Variants in ADGRB3 observed in about 807,000 individuals in gnomAD.
ADGRB3 encodes adhesion G protein-coupled receptor B3.
Under a neutral mutation model 193.4 loss-of-function variants are expected in ADGRB3, and 37 were observed. That is an observed-to-expected ratio of 0.19 (90% CI 0.15 to 0.25). ADGRB3 has a LOEUF of 0.25. ADGRB3 is among the 10% of genes least tolerant of loss of function. ADGRB3 has a pLI of 1.00. For synonymous variants in ADGRB3, 690 were observed against 644.2 expected, an observed-to-expected ratio of 1.07 and a Z score of -1.08; for missense variants, 1,637 against 1,852.9, an observed-to-expected ratio of 0.88 and a Z score of 2.14.
At chr6:68,676,166 G>C (rs1769080498) in intron 3 of ADGRB3, among the ~76,000 whole-genome samples, 1 of 151,986 alleles carries the variant, frequency 6.6e-6, no homozygotes, top group Non-Finnish European at 1.5e-5. Flanking sequence ...GCTGAGACGG[G>C]CGGATCACGA....
chr6:68,808,092 C>T (rs1320097795), intron 3 of ADGRB3, among the ~76,000 whole-genome samples: 3 of 152,022 alleles, frequency 2.0e-5, no homozygotes, highest in Middle Eastern at 3.2e-3. Context: ...TCCTCTTACT[C>T]CTGAAAAAAT....
chr6:68,997,237 C>A (rs73467714), intron 11 of ADGRB3, among the ~76,000 whole-genome samples: 2,442 of 152,174 alleles, frequency 0.016, 57 homozygotes, highest in African/African-American at 0.052. Context: ...TAAACATACA[C>A]AGGCACATAC....
intron 11 of ADGRB3, among the ~76,000 whole-genome samples, chr6:68,996,753 C>T (rs182406526): frequency 6.6e-6 from 1 of 152,270 alleles, no homozygotes; most frequent in East Asian, 1.9e-4. Flanking sequence ...CTTGTAGTAT[C>T]AGCACTAATT....
At chr6:69,208,230 C>T (rs1765580710) in intron 17 of ADGRB3, among the ~76,000 whole-genome samples, 1 of 152,192 alleles carries the variant, frequency 6.6e-6, no homozygotes, top group Non-Finnish European at 1.5e-5. Context: ...ATTTTATCCA[C>T]TTGATTATCA....
rs147796766 is a variant in ADGRB3 at position 68,895,715 on chromosome 6, C to T, written c.758-34844C>T. On this transcript the variant is annotated intron_variant, in intron 3 of 31. Coordinates refer to ENST00000370598, the MANE Select transcript of ADGRB3 (RefSeq NM_001704.3). Reference sequence around the variant, plus strand: ...ATCACCAAATAACTTTTTTAAAGTACAGAATGTTAAGACTTATAGCAGATC... The same window carrying T: ...ATCACCAAATAACTTTTTTAAAGTATAGAATGTTAAGACTTATAGCAGATC... 2.2e-3 allele frequency among the ~76,000 whole-genome samples: 338 copies of T among 151,750 alleles called. 1 individual carries two copies. Among genetic ancestry groups the T allele is most frequent in the African/African-American group, 7.9e-3 (327 of 41,412 alleles).
intron 17 of ADGRB3, among the ~76,000 whole-genome samples, chr6:69,225,259 G>A (rs1173813893): frequency 6.6e-6 from 1 of 151,710 alleles, no homozygotes; most frequent in African/African-American, 2.4e-5. Flanking sequence ...GCTCTTAATG[G>A]CTCAATGGCC....
chr6:68,752,370 G>A (rs374691447), intron 3 of ADGRB3, among the ~76,000 whole-genome samples: 5 of 149,212 alleles, frequency 3.4e-5, no homozygotes, highest in African/African-American at 7.4e-5. Flanking sequence ...TCCACCTCCC[G>A]GGTTCCAGCG....
chr6:68,985,669 C>G (rs187127822), intron 10 of ADGRB3, among the ~76,000 whole-genome samples: 55 of 152,264 alleles, frequency 3.6e-4, no homozygotes, highest in Admixed American at 3.6e-3. Context: ...CTGTAATAAA[C>G]AGAGCCTCCC....
chr6:69,325,682 C>T (rs1014854624), intron 21 of ADGRB3, among the ~76,000 whole-genome samples: 17 of 152,128 alleles, frequency 1.1e-4, no homozygotes, highest in African/African-American at 4.1e-4. Context: ...AGAAAAAGCC[C>T]AAATATACAA....
At chr6:68,782,350 A>C (rs1766871941) in intron 3 of ADGRB3, among the ~76,000 whole-genome samples, 2 of 151,366 alleles carry the variant, frequency 1.3e-5, no homozygotes, top group African/African-American at 4.9e-5. Context: ...TATGTGCCAC[A>C]TTTTCTTAAT....
chr6:68,746,936 C>T (rs896662175), intron 3 of ADGRB3, among the ~76,000 whole-genome samples: 6 of 152,000 alleles, frequency 3.9e-5, no homozygotes, highest in African/African-American at 1.4e-4. Context: ...GGACAGAATA[C>T]ATCCATCATA....
intron 6 of ADGRB3, among the ~76,000 whole-genome samples, chr6:68,951,147 T>G (rs1036682333): frequency 6.6e-6 from 1 of 152,196 alleles, no homozygotes; most frequent in Non-Finnish European, 1.5e-5. Flanking sequence ...ATTGTTTAAT[T>G]TTTAATTTTT....
At chr6:69,222,577 G>C (rs1765919029) in intron 17 of ADGRB3, among the ~76,000 whole-genome samples, 1 of 152,096 alleles carries the variant, frequency 6.6e-6, no homozygotes, top group Non-Finnish European at 1.5e-5. Context: ...AGATCATATA[G>C]ATCATGTAAA....
At chr6:69,074,118 A>G (rs1052300732) in intron 16 of ADGRB3, among the ~76,000 whole-genome samples, 1 of 150,190 alleles carries the variant, frequency 6.7e-6, no homozygotes, top group African/African-American at 2.4e-5. Flanking sequence ...TAAAGGAAGA[A>G]TGGGAAACAA....
intron 12 of ADGRB3, among the ~76,000 whole-genome samples, chr6:69,014,925 C>T (rs1288545355): frequency 6.6e-6 from 1 of 151,684 alleles, no homozygotes; most frequent in Non-Finnish European, 1.5e-5. Flanking sequence ...TAAAGCATGC[C>T]TTTTATCCTA....
chr6:68,995,397 G>A (rs1769356818), intron 11 of ADGRB3, among the ~76,000 whole-genome samples: 1 of 152,134 alleles, frequency 6.6e-6, no homozygotes, highest in South Asian at 2.1e-4. Context: ...ACTCTCAAAA[G>A]TGTAGGGCTT....
At chr6:69,242,269 G>A (rs1766400402) in intron 20 of ADGRB3, among the ~76,000 whole-genome samples, 1 of 151,190 alleles carries the variant, frequency 6.6e-6, no homozygotes, top group East Asian at 1.9e-4. Flanking sequence ...AATAACTAAA[G>A]TATTTTATTT....
chr6:68,887,573 A>G (rs1765946217), intron 3 of ADGRB3, among the ~76,000 whole-genome samples: 1 of 152,034 alleles, frequency 6.6e-6, no homozygotes, highest in African/African-American at 2.4e-5. Flanking sequence ...ATGGAAAAAA[A>G]TTTCTGTGCC....
intron 11 of ADGRB3, among the ~76,000 whole-genome samples, chr6:69,009,174 AT>A (rs1206339819): frequency 6.6e-6 from 1 of 152,096 alleles, no homozygotes; most frequent in Non-Finnish European, 1.5e-5. Context: ...AAATAACTTG[AT>A]TATAAACTAG....
Sources: allele counts gnomAD v4.1 joint callset (sites outside exome capture counted in the v4.1 genomes callset), GRCh38; gene constraint gnomAD v4.1.1; transcripts MANE v1.5; gene names NCBI Gene and HGNC (gene_info 2026-07-23, HGNC 2026-07-21).